Variants in FTCDNL1 observed in about 807,000 individuals in gnomAD.
FTCDNL1 encodes the protein formiminotransferase cyclodeaminase N-terminal like.
In FTCDNL1, 11 loss-of-function variants were observed where a neutral mutation model predicts 5.9. The observed-to-expected ratio is 1.87, with a 90% CI of 1.18 to 3.10. The LOEUF is 3.10. FTCDNL1 is among the 30% of genes most tolerant of loss of function. The pLI, the probability that FTCDNL1 is intolerant of heterozygous loss-of-function variation, is 0.00. For synonymous variants in FTCDNL1, 58 were observed against 24.8 expected (o/e 2.34, Z -3.99); for missense variants, 115 against 65.5 (o/e 1.76, Z -2.61).
At chr2:199,831,121 G>A (rs1702343060) in intron 3 of FTCDNL1, among the ~76,000 whole-genome samples, 1 of 152,150 alleles carries the variant, frequency 6.6e-6, no homozygotes, top group Admixed American at 6.5e-5. Context: ...GCCTCCAAAT[G>A]AACAGGCCTT....
At chr2:199,795,700 G>C (rs2106379960) in intron 3 of FTCDNL1, among the ~76,000 whole-genome samples, 1 of 152,258 alleles carries the variant, frequency 6.6e-6, no homozygotes, top group Non-Finnish European at 1.5e-5. Flanking sequence ...ACACCAGAAG[G>C]CTGGCACTTC....
chr2:199,802,029 T>C (rs766863943), intron 3 of FTCDNL1, among the ~76,000 whole-genome samples: 10 of 152,120 alleles, frequency 6.6e-5, no homozygotes, highest in Non-Finnish European at 1.2e-4. Flanking sequence ...CCCTGTGCTA[T>C]TGCACAGGTT....
At chr2:199,796,619 G>C (rs1266706564) in intron 3 of FTCDNL1, among the ~76,000 whole-genome samples, 2 of 152,102 alleles carry the variant, frequency 1.3e-5, no homozygotes, top group Admixed American at 6.5e-5. Context: ...GATTTTAAAG[G>C]ATAATTGAAG....
intron 3 of FTCDNL1, among the ~76,000 whole-genome samples, chr2:199,838,962 C>T (rs1019207032): frequency 2.6e-5 from 4 of 152,100 alleles, no homozygotes; most frequent in Non-Finnish European, 4.4e-5. Context: ...CTGGAAGATC[C>T]TCCTCTGGGG....
chr2:199,812,930 G>C (rs1035646016), intron 4 of FTCDNL1, among the ~76,000 whole-genome samples: 1 of 152,164 alleles, frequency 6.6e-6, no homozygotes, highest in African/African-American at 2.4e-5. Flanking sequence ...ATTTTCTTGT[G>C]TGGAAACACT....
the FTCDNL1 span, among the ~76,000 whole-genome samples, chr2:199,689,509 T>G: frequency 2.0e-5 from 3 of 152,290 alleles, no homozygotes; most frequent in East Asian, 5.8e-4. Context: ...CCACCTTTAG[T>G]GAGTCACCAA....
At position 199,768,406 on chromosome 2, in the gene FTCDNL1, T is replaced by C. The variant is rs148709194; in HGVS notation, c.212-7571A>G. ...TTCTACATCATTTTATGTTTTTATA[T>C]ACTACTACATTTACTACTTTCCAGA... is the stretch of plus-strand genomic sequence containing the variant. On this transcript the variant is annotated intron_variant, in intron 3 of 3. Transcript: ENST00000416668. Among the ~76,000 whole-genome samples, 12 of 152,288 alleles carry C rather than the reference T, an allele frequency of 7.9e-5. No homozygotes were observed. In the East Asian group the frequency reaches 2.3e-3, roughly 29 times the overall value.
At position 199,811,550 on chromosome 2, in the gene FTCDNL1, T is replaced by C. The variant is rs1440102089; in HGVS notation, c.*1155A>G. Among the ~76,000 whole-genome samples the C allele has an allele frequency of 6.6e-6, 1 of 152,232 alleles. No individual in the cohort carries two copies. Among genetic ancestry groups the C allele is most frequent in the Non-Finnish European group, 1.5e-5 (1 of 68,044 alleles). On this transcript the variant is annotated 3_prime_UTR_variant, in exon 5 of 5. Transcript: ENST00000420128. ...TTCACCATTACGCTTTGCTGTCCCA[T>C]AGCTTTGATATGCCCAGTCACATTC... is the stretch of plus-strand genomic sequence containing the variant.
the FTCDNL1 span, among the ~76,000 whole-genome samples, chr2:199,749,403 A>C: frequency 2.0e-5 from 3 of 152,218 alleles, no homozygotes; most frequent in African/African-American, 7.2e-5. Flanking sequence ...TTACCATACA[A>C]TCAACTCAAT....
chr2:199,762,864 C>T (rs1417332602), intron 3 of FTCDNL1, among the ~76,000 whole-genome samples: 2 of 152,124 alleles, frequency 1.3e-5, no homozygotes, highest in Non-Finnish European at 2.9e-5. Flanking sequence ...TAATAGCATC[C>T]TGAAAACTGC....
the FTCDNL1 span, among the ~76,000 whole-genome samples, chr2:199,673,369 TA>T: frequency 1.4e-5 from 2 of 144,506 alleles, no homozygotes; most frequent in Admixed American, 1.4e-4. Flanking sequence ...GAATAAAAGC[TA>T]AAAGTAGTTT....
At chr2:199,743,886 T>A in the FTCDNL1 span, among the ~76,000 whole-genome samples, 2 of 152,158 alleles carry the variant, frequency 1.3e-5, no homozygotes, top group Non-Finnish European at 2.9e-5. Flanking sequence ...AAAACCTAAG[T>A]ATTATATTTC....
At chr2:199,754,891 T>C in the FTCDNL1 span, among the ~76,000 whole-genome samples, 1 of 152,234 alleles carries the variant, frequency 6.6e-6, no homozygotes, top group Non-Finnish European at 1.5e-5. Flanking sequence ...ACATTTCTTT[T>C]GAATAACAGT....
At chr2:199,748,742 T>C in the FTCDNL1 span, among the ~76,000 whole-genome samples, 1 of 152,206 alleles carries the variant, frequency 6.6e-6, no homozygotes, top group Admixed American at 6.5e-5. Flanking sequence ...AAGGATCAAG[T>C]GGAGGGAAGG....
chr2:199,733,685 C>CTCCGTA, the FTCDNL1 span, among the ~76,000 whole-genome samples: 1 of 152,166 alleles, frequency 6.6e-6, no homozygotes. Context: ...GTTCTTCCTG[C>CTCCGTA]TCCGTATGCA....
At chr2:199,775,728 A>G (rs944105134) in intron 3 of FTCDNL1, among the ~76,000 whole-genome samples, 8 of 152,196 alleles carry the variant, frequency 5.3e-5, no homozygotes, top group Non-Finnish European at 1.0e-4. Context: ...CTTAAGAAGG[A>G]AAAAAGAAAG....
the FTCDNL1 span, among the ~76,000 whole-genome samples, chr2:199,679,079 A>C: frequency 1.3e-5 from 2 of 152,164 alleles, no homozygotes; most frequent in Admixed American, 1.3e-4. Context: ...ACCGGCATTC[A>C]AAATGTTCTT....
chr2:199,782,859 C>T (rs1574493374), intron 3 of FTCDNL1, among the ~76,000 whole-genome samples: 1 of 152,172 alleles, frequency 6.6e-6, no homozygotes, highest in African/African-American at 2.4e-5. Context: ...TCCAGCCACT[C>T]CTTCAGTTAG....
chr2:199,730,584 T>TG, the FTCDNL1 span, among the ~76,000 whole-genome samples: 1 of 151,964 alleles, frequency 6.6e-6, no homozygotes, highest in South Asian at 2.1e-4. Context: ...AACAAACATG[T>TG]GAAAAAAAAG....
Sources: allele counts gnomAD v4.1 joint callset (sites outside exome capture counted in the v4.1 genomes callset), GRCh38; gene constraint gnomAD v4.1.1; transcripts MANE v1.5; gene names NCBI Gene and HGNC (gene_info 2026-07-23, HGNC 2026-07-21).